Variants in CNTNAP5 observed in about 807,000 individuals in gnomAD.
CNTNAP5 encodes the protein contactin associated protein family member 5.
CNTNAP5 carries 72 observed loss-of-function variants against 150.2 expected under a neutral mutation model. That is an observed-to-expected ratio of 0.48 (90% CI 0.40 to 0.58). The LOEUF is 0.58. CNTNAP5 is among the 20% of genes least tolerant of loss of function. The pLI, the probability that CNTNAP5 is intolerant of heterozygous loss-of-function variation, is 0.00. For synonymous variants in CNTNAP5, 672 were observed against 619.8 expected, an observed-to-expected ratio of 1.08 and a Z score of -1.25; for missense variants, 1,636 against 1,626.2, an observed-to-expected ratio of 1.01 and a Z score of -0.10.
intron 6 of CNTNAP5, among the ~76,000 whole-genome samples, chr2:124,451,230 T>C (rs1332071670): frequency 1.3e-5 from 2 of 150,818 alleles, no homozygotes; most frequent in Non-Finnish European, 2.9e-5. Context: ...TCAATGAAAA[T>C]TCTTAGTCAA....
intron 13 of CNTNAP5, among the ~76,000 whole-genome samples, chr2:124,675,449 A>C (rs2105062439): frequency 6.6e-6 from 1 of 152,202 alleles, no homozygotes; most frequent in East Asian, 1.9e-4. Context: ...TAATTCACTT[A>C]TATTTAATGT....
rs182025370 is a variant in CNTNAP5, at chr2:124,449,059, C to T, written c.918+2122C>T. 2.0e-5 allele frequency among the ~76,000 whole-genome samples: 3 copies of T among 152,220 alleles called. No individual in the cohort carries two copies. In the South Asian group the frequency reaches 6.2e-4, roughly 32 times the overall value. Reference sequence around the variant, plus strand: ...AGATGGAGATGAATAATTGAGAAATCGGGACTTATTTTTTCAATCACTATC... The same window carrying T: ...AGATGGAGATGAATAATTGAGAAATTGGGACTTATTTTTTCAATCACTATC... On this transcript the variant is annotated intron_variant, in intron 6 of 23. Transcript: ENST00000682447.
At chr2:124,887,301 A>G (rs149014308) in intron 21 of CNTNAP5, among the ~76,000 whole-genome samples, 1,772 of 152,070 alleles carry the variant, frequency 0.012, 35 homozygotes, top group African/African-American at 0.041. Flanking sequence ...CTATGCTTCT[A>G]TGTGTTTCAT....
chr2:124,292,659 TAAAG>T (rs1366448978), intron 3 of CNTNAP5, among the ~76,000 whole-genome samples: 1 of 151,962 alleles, frequency 6.6e-6, no homozygotes, highest in Non-Finnish European at 1.5e-5. Flanking sequence ...ATATTTTTAT[TAAAG>T]AAAGATATTA....
At chr2:124,222,958 A>T (rs1018836113) in intron 2 of CNTNAP5, among the ~76,000 whole-genome samples, 1 of 152,154 alleles carries the variant, frequency 6.6e-6, no homozygotes, top group African/African-American at 2.4e-5. Context: ...TTCTAAAAAC[A>T]AAAGAATGGC....
intron 1 of CNTNAP5, among the ~76,000 whole-genome samples, chr2:124,031,515 C>A (rs1243840943): frequency 6.6e-6 from 1 of 152,120 alleles, no homozygotes; most frequent in South Asian, 2.1e-4. Flanking sequence ...GTTCAGATCA[C>A]CTGATTGGAT....
At chr2:124,895,887 C>T (rs1347929607) in intron 21 of CNTNAP5, among the ~76,000 whole-genome samples, 1 of 151,394 alleles carries the variant, frequency 6.6e-6, no homozygotes, top group Non-Finnish European at 1.5e-5. Flanking sequence ...CAGTCTGGCA[C>T]CTGAAAAAAA....
chr2:124,081,168 G>A (rs767600004), intron 1 of CNTNAP5, among the ~76,000 whole-genome samples: 1 of 148,952 alleles, frequency 6.7e-6, no homozygotes, highest in Non-Finnish European at 1.5e-5. Flanking sequence ...AGATGTACTG[G>A]TTTTTTTTTT....
intron 9 of CNTNAP5, 46 bp from the exon 10 acceptor site, chr2:124,527,239 C>A: frequency 6.4e-7 from 1 of 1,559,200 alleles, no homozygotes; most frequent in Admixed American, 1.8e-5. Flanking sequence ...AAAGCAATGA[C>A]GGATCATTTC....
intron 7 of CNTNAP5, among the ~76,000 whole-genome samples, chr2:124,481,329 T>C (rs1558921115): frequency 6.6e-6 from 1 of 152,336 alleles, no homozygotes; most frequent in East Asian, 1.9e-4. Flanking sequence ...AAGGGGAGGA[T>C]AAAAACATTC....
intron 13 of CNTNAP5, among the ~76,000 whole-genome samples, chr2:124,708,374 G>T (rs1336177392): frequency 6.6e-6 from 1 of 152,138 alleles, no homozygotes; most frequent in Non-Finnish European, 1.5e-5. Flanking sequence ...CAATGAAGGA[G>T]CTCAATCATT....
intron 13 of CNTNAP5, among the ~76,000 whole-genome samples, chr2:124,675,952 C>T (rs1437661827): frequency 6.6e-6 from 1 of 151,978 alleles, no homozygotes; most frequent in African/African-American, 2.4e-5. Flanking sequence ...GAAAATAGGA[C>T]ATTTCAGATA....
At chr2:124,090,626 G>A (rs954547253) in intron 1 of CNTNAP5, among the ~76,000 whole-genome samples, 1 of 152,040 alleles carries the variant, frequency 6.6e-6, no homozygotes, top group African/African-American at 2.4e-5. Context: ...TAAGACAATG[G>A]GATTGGAGCA....
At chr2:124,123,298 C>T (rs2104718775) in intron 1 of CNTNAP5, among the ~76,000 whole-genome samples, 1 of 152,292 alleles carries the variant, frequency 6.6e-6, no homozygotes, top group African/African-American at 2.4e-5. Flanking sequence ...GAGCCTCACT[C>T]ATTGCTAGCA....
chr2:124,894,332 T>TA (rs1477265804), intron 21 of CNTNAP5, among the ~76,000 whole-genome samples: 1 of 151,484 alleles, frequency 6.6e-6, no homozygotes, highest in African/African-American at 2.4e-5. Flanking sequence ...TAAGCTTTGC[T>TA]AAAAAACCTC....
At chr2:124,765,238 T>C (rs920704086) in intron 16 of CNTNAP5, among the ~76,000 whole-genome samples, 1 of 152,282 alleles carries the variant, frequency 6.6e-6, no homozygotes, top group South Asian at 2.1e-4. Context: ...AAAAAAATTC[T>C]ACTACAATAA....
chr2:124,787,799 A>C (rs554183827), intron 17 of CNTNAP5, among the ~76,000 whole-genome samples: 4 of 152,266 alleles, frequency 2.6e-5, no homozygotes, highest in Admixed American at 1.3e-4. Context: ...TAACATCTCT[A>C]TTCCCTGTCT....
chr2:124,609,817 C>T lies in CNTNAP5; in HGVS notation c.1773C>T (p.Ser591=), dbSNP rs780740690. 1 of 1,613,862 alleles carries T rather than the reference C, an allele frequency of 6.2e-7. No individual in the cohort carries two copies. The highest frequency in any genetic ancestry group is 2.2e-5 in the East Asian group (1 of 44,868). ...ATCHNSIYEQ[S]CEVYRHQGNT... ...TCTTTCCAGCCATCTACGAGCAATC[C>T]TGCGAGGTGTACAGGCACCAGGGGA... The change falls in exon 12 of 24, where the codon TCC becomes TCT. Residue 591 remains serine (S), a synonymous_variant. Transcript: ENST00000682447.
intron 13 of CNTNAP5, among the ~76,000 whole-genome samples, chr2:124,648,421 A>G (rs1052925922): frequency 1.2e-4 from 18 of 152,126 alleles, no homozygotes; most frequent in Non-Finnish European, 1.8e-4. Context: ...GGGCAGTGTT[A>G]GGCAGGGAGG....
Sources: allele counts gnomAD v4.1 joint callset (sites outside exome capture counted in the v4.1 genomes callset), GRCh38; gene constraint gnomAD v4.1.1; transcripts MANE v1.5; gene names NCBI Gene and HGNC (gene_info 2026-07-23, HGNC 2026-07-21).